The following MGMT variants were observed in gnomAD, a reference collection of about 807,000 sequenced individuals.
MGMT encodes methylated-DNA--protein-cysteine methyltransferase.
MGMT carries 14 observed loss-of-function variants against 15.9 expected under a neutral mutation model. The ratio of observed to expected loss-of-function variants is 0.88; its 90% confidence interval spans 0.58 to 1.37. The LOEUF is 1.37. MGMT is among the 40% of genes most tolerant of loss of function. The pLI is 0.00. For synonymous variants in MGMT, 130 were observed against 118.2 expected, an observed-to-expected ratio of 1.10 and a Z score of -0.65; for missense variants, 282 against 268.1, an observed-to-expected ratio of 1.05 and a Z score of -0.36.
At chr10:129,580,077 G>A (rs1589877357) in intron 2 of MGMT, among the ~76,000 whole-genome samples, 1 of 152,194 alleles carries the variant, frequency 6.6e-6, no homozygotes, top group South Asian at 2.1e-4. Flanking sequence ...GGGTGGGAGG[G>A]AGGATCTTTG....
chr10:129,740,686 G>C (rs1402196279), intron 3 of MGMT, among the ~76,000 whole-genome samples: 1 of 152,062 alleles, frequency 6.6e-6, no homozygotes. Context: ...CAGCAGGCAT[G>C]GGATGCCTGC....
chr10:129,641,269 A>G (rs1454508167), intron 2 of MGMT, among the ~76,000 whole-genome samples: 1 of 152,238 alleles, frequency 6.6e-6, no homozygotes, highest in Non-Finnish European at 1.5e-5. Flanking sequence ...TTTGCAGGAT[A>G]TATATACTGA....
intron 2 of MGMT, among the ~76,000 whole-genome samples, chr10:129,687,775 G>C (rs1048331843): frequency 6.6e-6 from 1 of 150,984 alleles, no homozygotes; most frequent in African/African-American, 2.4e-5. Flanking sequence ...GTATACATGT[G>C]CCATGTTGGT....
chr10:129,620,408 A>G (rs1172755305), intron 2 of MGMT, among the ~76,000 whole-genome samples: 1 of 152,106 alleles, frequency 6.6e-6, no homozygotes, highest in Non-Finnish European at 1.5e-5. Flanking sequence ...TCCCTGTTCA[A>G]TCAGTCGAGA....
intron 2 of MGMT, among the ~76,000 whole-genome samples, chr10:129,626,630 C>T (rs977427552): frequency 1.3e-5 from 2 of 152,072 alleles, no homozygotes; most frequent in East Asian, 3.9e-4. Flanking sequence ...TTCTGCATGC[C>T]CAGGGCCGTG....
intron 2 of MGMT, among the ~76,000 whole-genome samples, chr10:129,670,678 A>C (rs1333419026): frequency 1.3e-5 from 2 of 152,206 alleles, no homozygotes; most frequent in Non-Finnish European, 2.9e-5. Context: ...ATAAGTACAG[A>C]TCCTACAGAC....
At chr10:129,580,764 C>T (rs1020243467) in intron 2 of MGMT, among the ~76,000 whole-genome samples, 2 of 152,228 alleles carry the variant, frequency 1.3e-5, no homozygotes, top group African/African-American at 4.8e-5. Flanking sequence ...TGCCCCATAA[C>T]CACAGACACC....
intron 2 of MGMT, among the ~76,000 whole-genome samples, chr10:129,552,426 A>G (rs1564850016): frequency 6.6e-6 from 1 of 152,222 alleles, no homozygotes; most frequent in Non-Finnish European, 1.5e-5. Context: ...GGTCAGTGAC[A>G]GTGGAAATTG....
chr10:129,747,494 GC>G (rs1241894099), intron 3 of MGMT, among the ~76,000 whole-genome samples: 1 of 152,116 alleles, frequency 6.6e-6, no homozygotes, highest in African/African-American at 2.4e-5. Flanking sequence ...GTTTTTAATA[GC>G]CTTTGTTTTT....
chr10:129,511,812 T>TA (rs1845687070), intron 1 of MGMT, among the ~76,000 whole-genome samples: 2 of 152,322 alleles, frequency 1.3e-5, no homozygotes, highest in South Asian at 4.1e-4. Flanking sequence ...AAGTGGCGTC[T>TA]GGGCTGGCAG....
intron 2 of MGMT, among the ~76,000 whole-genome samples, chr10:129,657,480 G>A (rs1416257723): frequency 6.6e-6 from 1 of 151,834 alleles, no homozygotes; most frequent in East Asian, 1.9e-4. Flanking sequence ...GGGGGTGGAG[G>A]TGGGGCAGGC....
At chr10:129,727,795 A>T (rs768687909) in intron 3 of MGMT, among the ~76,000 whole-genome samples, 22 of 152,214 alleles carry the variant, frequency 1.4e-4, no homozygotes, top group Non-Finnish European at 2.6e-4. Flanking sequence ...GTAAGCCAGC[A>T]CTGCAGGCAG....
intron 3 of MGMT, among the ~76,000 whole-genome samples, chr10:129,722,560 C>A (rs1006010034): frequency 3.3e-5 from 5 of 152,196 alleles, no homozygotes; most frequent in African/African-American, 1.2e-4. Flanking sequence ...GTAGGACTTA[C>A]ATTACCTGGT....
chr10:129,721,600 G>A (rs779162601), intron 3 of MGMT, among the ~76,000 whole-genome samples: 2 of 152,166 alleles, frequency 1.3e-5, no homozygotes, highest in Non-Finnish European at 2.9e-5. Context: ...CACGTAGAAG[G>A]AAAACATATG....
At chr10:129,665,493 C>T (rs1239138453) in intron 2 of MGMT, among the ~76,000 whole-genome samples, 1 of 151,862 alleles carries the variant, frequency 6.6e-6, no homozygotes, top group South Asian at 2.1e-4. Context: ...ACTCTCAAGG[C>T]ATTATGCATT....
intron 2 of MGMT, among the ~76,000 whole-genome samples, chr10:129,640,330 T>G (rs916488590): frequency 1.3e-5 from 2 of 152,140 alleles, no homozygotes; most frequent in African/African-American, 4.8e-5. Context: ...ACTCCTGGCC[T>G]CATCATCCAC....
intron 2 of MGMT, among the ~76,000 whole-genome samples, chr10:129,622,381 A>G (rs1255904410): frequency 1.3e-5 from 2 of 152,236 alleles, no homozygotes; most frequent in Admixed American, 1.3e-4. Context: ...CAAATTTGAA[A>G]TCTGGAGTGT....
chr10:129,641,404 G>A (rs1484697806), intron 2 of MGMT, among the ~76,000 whole-genome samples: 1 of 152,174 alleles, frequency 6.6e-6, no homozygotes, highest in Non-Finnish European at 1.5e-5. Context: ...CAAAATCACA[G>A]CAGGTCTTTT....
At chr10:129,564,188 A>ACTCCCCCACTTCTTCCTCCT (rs1846314808) in intron 2 of MGMT, 1 of 8,078 alleles carries the variant, frequency 1.2e-4, no homozygotes, top group Admixed American at 1.2e-3. Context: ...TTCTTCTTCC[A>ACTCCCCCACTTCTTCCTCCT]CTCCCCCACT....
Sources: gnomAD v4.1 joint callset for allele counts (sites outside exome capture counted in the v4.1 genomes callset) on GRCh38, gnomAD v4.1.1 for gene constraint, MANE v1.5 for transcripts, NCBI Gene and HGNC (gene_info 2026-07-23, HGNC 2026-07-21) for gene names.